Variants in LMOD1 observed in about 807,000 individuals in gnomAD.
LMOD1 encodes the protein leiomodin-1.
In LMOD1, 8 loss-of-function variants were observed where a neutral mutation model predicts 36.5. The ratio of observed to expected loss-of-function variants is 0.22; its 90% CI spans 0.13 to 0.40. LMOD1 has a LOEUF of 0.40. Ranked by LOEUF, LMOD1 falls within the 10% of genes least tolerant of loss-of-function variation. LMOD1 has a pLI of 1.00. For missense variants in LMOD1, 630 were observed against 751.1 expected (o/e 0.84, Z 1.88); for synonymous variants, 284 against 288.7 (o/e 0.98, Z 0.17).
At position 201,940,894 on chromosome 1, in the gene LMOD1, A is replaced by G. The variant is rs1008412804; in HGVS notation, c.261+5186T>C. Among the ~76,000 whole-genome samples, 7 of 151,888 alleles carry G rather than the reference A, an allele frequency of 4.6e-5. No individual in the cohort carries two copies. In the East Asian group the frequency reaches 1.4e-3, roughly 29 times the overall value. On this transcript the variant is annotated intron_variant, in intron 1 of 2. Coordinates refer to ENST00000367288, the MANE Select transcript of LMOD1 (RefSeq NM_012134.3). ...CTCCCTAGTAGCTGGGATTACAGAC[A>G]TGTGCCGCTATGCCTGGCTAATTTT...
At chr1:201,922,339 A>G (rs1321028638) in intron 1 of LMOD1, among the ~76,000 whole-genome samples, 1 of 152,216 alleles carries the variant, frequency 6.6e-6, no homozygotes, top group Non-Finnish European at 1.5e-5. Flanking sequence ...GAAAGCACCC[A>G]AAGTCTATTA....
At chr1:201,907,943 C>A (rs1681435936) in intron 1 of LMOD1, among the ~76,000 whole-genome samples, 1 of 152,200 alleles carries the variant, frequency 6.6e-6, no homozygotes, top group Non-Finnish European at 1.5e-5. Context: ...GACAAGTTCA[C>A]ATCAAAGTGT....
At chr1:201,925,026 G>T (rs942473781) in intron 1 of LMOD1, among the ~76,000 whole-genome samples, 1 of 152,186 alleles carries the variant, frequency 6.6e-6, no homozygotes, top group Admixed American at 6.5e-5. Flanking sequence ...GCCAGCCATG[G>T]CCGACATAGT....
At position 201,924,721 on chromosome 1, in the gene LMOD1, G is replaced by GAAAGAAAGA. The variant is rs1553297961; in HGVS notation, c.261+21350_261+21358dup. Reference sequence around the variant, plus strand: ...AGAAAGAAAGAAAGAAAGAAAGAAAGAAAGAAAGAAAAGAAAGAAATAGCC... The same window carrying GAAAGAAAGA: ...AGAAAGAAAGAAAGAAAGAAAGAAAGAAAGAAAGAAAAGAAAGAAAAGAAAGAAATAGCC... On this transcript the variant is annotated intron_variant, in intron 1 of 2. Transcript: ENST00000367288. Among the ~76,000 whole-genome samples, 82 of 114,342 alleles carry GAAAGAAAGA rather than the reference G, an allele frequency of 7.2e-4. 1 individual carries two copies. The highest frequency in any genetic ancestry group is 2.4e-3 in the African/African-American group (81 of 33,842). The allele number at this position is 114,342 out of a possible 152,430, so 75.0% of individuals were successfully genotyped here.
intron 1 of LMOD1, among the ~76,000 whole-genome samples, chr1:201,910,726 T>C (rs1481127360): frequency 2.0e-5 from 3 of 147,210 alleles, no homozygotes; most frequent in African/African-American, 7.4e-5. Context: ...ATTTTCCCCT[T>C]TTGCAGATGG....
chr1:201,918,491 C>T (rs1362707730), intron 1 of LMOD1, among the ~76,000 whole-genome samples: 1 of 152,216 alleles, frequency 6.6e-6, no homozygotes, highest in Non-Finnish European at 1.5e-5. Context: ...CCTCTGTGCG[C>T]CCTCCCCTTC....
At chr1:201,903,406 G>C (rs1037450609) in intron 1 of LMOD1, among the ~76,000 whole-genome samples, 2 of 152,170 alleles carry the variant, frequency 1.3e-5, no homozygotes, top group Non-Finnish European at 2.9e-5. Flanking sequence ...TGGAGCAAGG[G>C]GCAGAGAGCT....
At chr1:201,938,161 C>T (rs1013992450) in intron 1 of LMOD1, among the ~76,000 whole-genome samples, 1 of 148,604 alleles carries the variant, frequency 6.7e-6, no homozygotes, top group Admixed American at 6.8e-5. Context: ...TGGAGTTTCG[C>T]TCTTGTTGCC....
At chr1:201,920,045 CTTTTTTTTTT>C (rs576044641) in intron 1 of LMOD1, among the ~76,000 whole-genome samples, 6 of 52,534 alleles carry the variant, frequency 1.1e-4, no homozygotes, top group Admixed American at 8.5e-4. Context: ...GGCTCTCTCT[CTTTTTTTTTT>C]TTTTTTTTTT....
intron 1 of LMOD1, among the ~76,000 whole-genome samples, chr1:201,941,660 A>ACTGAG (rs1206940654): frequency 6.6e-6 from 1 of 152,218 alleles, no homozygotes. Flanking sequence ...TACCATGGAC[A>ACTGAG]CTGAGCTGTG....
chr1:201,910,438 T>A (rs776435879), intron 1 of LMOD1, among the ~76,000 whole-genome samples: 51 of 152,244 alleles, frequency 3.3e-4, no homozygotes, highest in Admixed American at 6.5e-4. Flanking sequence ...AACACCTGAC[T>A]AATTTTTATT....
At chr1:201,924,687 AAGAAAG>A (rs1387178245) in intron 1 of LMOD1, among the ~76,000 whole-genome samples, 1 of 65,540 alleles carries the variant, frequency 1.5e-5, no homozygotes, top group African/African-American at 3.8e-5. Context: ...GAAAGAAAGA[AAGAAAG>A]AAAGAAAGAA....
chr1:201,924,583 AGGAG>A (rs1339862910), intron 1 of LMOD1, among the ~76,000 whole-genome samples: 4 of 131,058 alleles, frequency 3.1e-5, no homozygotes, highest in South Asian at 3.0e-4. Flanking sequence ...GAAGGAAGGA[AGGAG>A]GGAGGGAGGG....
intron 1 of LMOD1, among the ~76,000 whole-genome samples, chr1:201,927,591 A>C (rs536137506): frequency 5.3e-5 from 8 of 150,754 alleles, no homozygotes; most frequent in East Asian, 3.9e-4. Flanking sequence ...AAAAAAACAA[A>C]AAAAAAAAAA....
chr1:201,933,595 T>TTATATATATATATATATATATATATATA (rs71141426), intron 1 of LMOD1, among the ~76,000 whole-genome samples: 1 of 63,212 alleles, frequency 1.6e-5, no homozygotes, highest in Non-Finnish European at 3.6e-5. Flanking sequence ...TATACATACA[T>TTATATATATATATATATATATATATATA]TATATATATA....
At chr1:201,933,163 C>T (rs979983517) in intron 1 of LMOD1, among the ~76,000 whole-genome samples, 1 of 152,124 alleles carries the variant, frequency 6.6e-6, no homozygotes, top group African/African-American at 2.4e-5. Flanking sequence ...CTTGTAATCC[C>T]AGCACTTTGG....
Position 201,898,215 on chromosome 1 carries a change from C to G in LMOD1, c.*157G>C. The stretch of plus-strand genomic sequence containing the variant: ...AGGAAAGTGAGAAGAGATAAGGCAT[C>G]CTTCCTTGAGCGTGACCCAGGCCTG... On this transcript the variant is annotated 3_prime_UTR_variant, in exon 3 of 3. Transcript: ENST00000367288. 1.4e-6 allele frequency: 1 copy of G among 733,136 alleles called. No homozygotes were observed. Among genetic ancestry groups the G allele is most frequent in the Non-Finnish European group, 2.4e-6 (1 of 424,236 alleles). 45.4% of individuals were successfully genotyped at this position (733,136 alleles called of 1,614,324 possible). A position where few individuals can be genotyped will look rare whatever the true frequency, so the allele number is the denominator to read the frequency against.
rs1182833442 is a variant in LMOD1 at position 201,900,319 on chromosome 1, T to C, written c.694A>G (p.Thr232Ala). 1.3e-6 allele frequency: 2 copies of C among 1,597,632 alleles called. No homozygotes were observed. Among genetic ancestry groups the C allele is most frequent in the Admixed American group, 1.8e-5 (1 of 56,266 alleles). ...TTCATCTTCTCACCCTCTTTTCTGG[T>C]GTCTGTGTTCCTACGCTCCCCTTTT... ...KVKGERRNTD[T>A]RKEGEKMKRA... The change falls in exon 2 of 3, where the codon ACC (threonine) becomes GCC (alanine). Residue 232 changes from threonine (T) to alanine (A), a missense_variant. Coordinates refer to ENST00000367288, the MANE Select transcript of LMOD1 (RefSeq NM_012134.3).
At position 201,899,163 on chromosome 1, in the gene LMOD1, C is replaced by T; in HGVS notation, c.1776+74G>A. ...GACATAAGCTCCTCTGCATGCCTTC[C>T]CTTTTGCAGTCCTACCCTCTCCTCC... On this transcript the variant is annotated intron_variant, in intron 2 of 2. Transcript: ENST00000367288. This position sits in a 1 kb window ranked among gnomAD's most constrained non-coding sequence, Gnocchi z 6.3. The T allele has an allele frequency of 7.4e-7, 1 of 1,350,630 alleles. No individual in the cohort carries two copies. Among genetic ancestry groups the T allele is most frequent in the Non-Finnish European group, 1.0e-6 (1 of 1,002,622 alleles). 83.7% of individuals were successfully genotyped at this position (1,350,630 alleles called of 1,614,324 possible). A position where few individuals can be genotyped will look rare whatever the true frequency, so the allele number is the denominator to read the frequency against.
Sources: gnomAD v4.1 joint callset for allele counts (sites outside exome capture counted in the v4.1 genomes callset) on GRCh38, gnomAD v4.1.1 for gene constraint, Gnocchi (gnomAD v3.1) non-coding constraint, MANE v1.5 for transcripts, NCBI Gene and HGNC (gene_info 2026-07-23, HGNC 2026-07-21) for gene names.